Variants in NEGR1 observed in about 807,000 individuals in gnomAD.
NEGR1 encodes neuronal growth regulator 1, also known as IgLON family member 4.
NEGR1 carries 10 observed loss-of-function variants against 40.9 expected under a neutral mutation model. The ratio of observed to expected loss-of-function variants is 0.24; its 90% CI spans 0.15 to 0.42. NEGR1 has a LOEUF of 0.42. Among genes scored for constraint, NEGR1 ranks in the 10% least tolerant of loss-of-function variants. NEGR1 has a pLI of 1.00. For synonymous variants in NEGR1, 185 were observed against 166.8 expected (o/e 1.11, Z -0.84); for missense variants, 352 against 438.9 (o/e 0.80, Z 1.77).
intron 1 of NEGR1, among the ~76,000 whole-genome samples, chr1:72,167,466 T>A (rs1235872194): frequency 2.0e-5 from 3 of 152,126 alleles, no homozygotes; most frequent in Non-Finnish European, 4.4e-5. Context: ...ATAAACTTAA[T>A]AAAATACCAT....
At position 71,466,428 on chromosome 1, in the gene NEGR1, T is replaced by G. The variant is rs528308794; in HGVS notation, c.941-58858A>C. On this transcript the variant is annotated intron_variant, in intron 6 of 6. Coordinates refer to ENST00000357731, the MANE Select transcript of NEGR1 (RefSeq NM_173808.3). ...AATCCCTGACCTCTTGAAATGTATG[T>G]GCTAGTGGGAGCAGATAGTTTATAA... Among the ~76,000 whole-genome samples the G allele has an allele frequency of 1.8e-4, 27 of 152,180 alleles. 1 individual carries two copies. The South Asian group carries it at 5.6e-3, about 32-fold the overall frequency.
chr1:71,966,403 A>C (rs1375836943), intron 1 of NEGR1, among the ~76,000 whole-genome samples: 2 of 152,222 alleles, frequency 1.3e-5, no homozygotes, highest in Non-Finnish European at 2.9e-5. Context: ...GATACATGCC[A>C]AAACAGTAGA....
At chr1:72,106,004 C>T (rs1649120866) in intron 1 of NEGR1, among the ~76,000 whole-genome samples, 1 of 151,936 alleles carries the variant, frequency 6.6e-6, no homozygotes, top group Non-Finnish European at 1.5e-5. Context: ...TATGACTTTG[C>T]CCTAGAATAA....
chr1:71,552,351 G>A (rs1465751877), intron 6 of NEGR1, among the ~76,000 whole-genome samples: 2 of 149,696 alleles, frequency 1.3e-5, no homozygotes, highest in African/African-American at 4.9e-5. Context: ...TAGGATCACA[G>A]ATATAGAACA....
At chr1:71,433,846 G>A (rs914431406) in intron 6 of NEGR1, among the ~76,000 whole-genome samples, 4 of 152,160 alleles carry the variant, frequency 2.6e-5, no homozygotes, top group African/African-American at 9.7e-5. Flanking sequence ...ATTGTTACTG[G>A]TAGTAAACTG....
intron 1 of NEGR1, among the ~76,000 whole-genome samples, chr1:71,949,967 A>AGAT (rs1359470153): frequency 6.6e-6 from 1 of 152,108 alleles, no homozygotes; most frequent in African/African-American, 2.4e-5. Context: ...CAGGTAAAAT[A>AGAT]GATAAAGAAT....
At chr1:71,509,994 G>T (rs1218370767) in intron 6 of NEGR1, among the ~76,000 whole-genome samples, 1 of 152,126 alleles carries the variant, frequency 6.6e-6, no homozygotes, top group Non-Finnish European at 1.5e-5. Context: ...CAACAATACT[G>T]CCCCAGATGG....
At chr1:72,026,652 G>C (rs1164734295) in intron 1 of NEGR1, among the ~76,000 whole-genome samples, 1 of 151,904 alleles carries the variant, frequency 6.6e-6, no homozygotes, top group Non-Finnish European at 1.5e-5. Flanking sequence ...AAATAGCCCT[G>C]GAAATGGCCA....
chr1:72,186,090 C>T (rs1652601765), intron 1 of NEGR1, among the ~76,000 whole-genome samples: 1 of 151,660 alleles, frequency 6.6e-6, no homozygotes, highest in African/African-American at 2.4e-5. Flanking sequence ...TGTAATTTGT[C>T]AACCCTCAAA....
intron 1 of NEGR1, among the ~76,000 whole-genome samples, chr1:72,002,090 C>T (rs191559478): frequency 1.2e-3 from 177 of 151,930 alleles, no homozygotes; most frequent in African/African-American, 4.1e-3. Flanking sequence ...AGTTTAATAT[C>T]CGTGTTTTTG....
intron 6 of NEGR1, among the ~76,000 whole-genome samples, chr1:71,512,979 T>G (rs545462592): frequency 6.6e-6 from 1 of 152,218 alleles, no homozygotes; most frequent in African/African-American, 2.4e-5. Flanking sequence ...AAACTAACAG[T>G]TTTACTATAC....
intron 2 of NEGR1, among the ~76,000 whole-genome samples, chr1:71,820,178 A>G (rs768830821): frequency 6.6e-6 from 1 of 152,054 alleles, no homozygotes; most frequent in Non-Finnish European, 1.5e-5. Context: ...AGACGACACC[A>G]GTGGGGGCAA....
intron 2 of NEGR1, among the ~76,000 whole-genome samples, chr1:71,791,141 C>A (rs954053970): frequency 1.3e-5 from 2 of 151,910 alleles, no homozygotes; most frequent in Admixed American, 1.3e-4. Context: ...TATGCACTGA[C>A]AAACAATGTC....
chr1:72,137,093 A>G (rs1483965881), intron 1 of NEGR1, among the ~76,000 whole-genome samples: 3 of 152,160 alleles, frequency 2.0e-5, no homozygotes, highest in Non-Finnish European at 4.4e-5. Flanking sequence ...AAGTCAGGAA[A>G]CAACAGATGC....
At chr1:71,556,702 C>T (rs1231413592) in intron 6 of NEGR1, among the ~76,000 whole-genome samples, 1 of 151,360 alleles carries the variant, frequency 6.6e-6, no homozygotes, top group Admixed American at 6.6e-5. Context: ...CACACTGCCA[C>T]ACTCAGAGAA....
intron 4 of NEGR1, among the ~76,000 whole-genome samples, chr1:71,623,449 A>G (rs1052918064): frequency 2.6e-5 from 4 of 151,986 alleles, no homozygotes; most frequent in African/African-American, 9.7e-5. Flanking sequence ...CAGAGGTAGT[A>G]ACTGTGCAAC....
intron 4 of NEGR1, among the ~76,000 whole-genome samples, chr1:71,669,262 C>T (rs946858269): frequency 6.6e-6 from 1 of 151,938 alleles, no homozygotes; most frequent in South Asian, 2.1e-4. Flanking sequence ...AATGCAGGAT[C>T]CTGCTATTTA....
At chr1:71,928,504 A>G (rs1570516943) in intron 2 of NEGR1, among the ~76,000 whole-genome samples, 1 of 125,874 alleles carries the variant, frequency 7.9e-6, no homozygotes, top group Non-Finnish European at 1.7e-5. Context: ...ACACATATGT[A>G]TACATGTGTA....
chr1:72,043,181 T>C lies in NEGR1; in HGVS notation c.177-107870A>G, dbSNP rs148230671. On this transcript the variant is annotated intron_variant, in intron 1 of 6. Coordinates refer to ENST00000357731, the MANE Select transcript of NEGR1 (RefSeq NM_173808.3). ...TCCAAAGTCCCCAAGTAGGCCCAGCTTTCCTGAGTTCACACCTGAACTGTC... is the reference window on the plus strand; with the variant it reads ...TCCAAAGTCCCCAAGTAGGCCCAGCCTTCCTGAGTTCACACCTGAACTGTC... Among the ~76,000 whole-genome samples, 71 of 152,076 alleles carry C rather than the reference T, an allele frequency of 4.7e-4. 1 individual carries two copies. The East Asian group carries it at 0.012, about 26-fold the overall frequency.
Sources: gnomAD v4.1 joint callset for allele counts (sites outside exome capture counted in the v4.1 genomes callset) on GRCh38, gnomAD v4.1.1 for gene constraint, MANE v1.5 for transcripts, NCBI Gene and HGNC (gene_info 2026-07-23, HGNC 2026-07-21) for gene names.